The following USP35 variants were observed in gnomAD, a reference collection of about 807,000 sequenced individuals.
The protein encoded by USP35 is ubiquitin carboxyl-terminal hydrolase 35.
A neutral mutation model predicts 83.8 loss-of-function variants in USP35; 69 were observed. The observed-to-expected ratio is 0.82, with a 90% CI of 0.68 to 1.01. The LOEUF is 1.01. USP35 is among the 50% of genes least tolerant of loss of function. USP35 has a pLI of 0.00. For synonymous variants in USP35, 714 were observed against 589.5 expected (o/e 1.21, Z -3.06); for missense variants, 1,503 against 1,362.5 (o/e 1.10, Z -1.62).
the USP35 span, chr11:78,223,709 G>C: frequency 6.5e-7 from 1 of 1,535,496 alleles, no homozygotes; most frequent in South Asian, 1.3e-5. Flanking sequence ...AAATACAGCT[G>C]TTACTAGCAA....
At position 78,210,724 on chromosome 11, in the gene USP35, G is replaced by T. The variant is rs1229224211; in HGVS notation, c.2869G>T (p.Asp957Tyr). The T allele has an allele frequency of 6.4e-7, 1 of 1,565,698 alleles. No homozygotes were observed. ...HKDLMEAISK[D>Y]NILYLQEQEK... ...GGACTTGATGGAAGCCATTTCCAAA[G>T]ACAACATCCTTTACCTACAGGTGAG... Residue 957 changes from aspartate (D) to tyrosine (Y), a missense_variant, in exon 10 of 11, where the codon GAC becomes TAC. Transcript: ENST00000529308.
At chr11:78,207,394 G>A in intron 7 of USP35, 136 bp from the exon 8 acceptor site, 1 of 794,594 alleles carries the variant, frequency 1.3e-6, no homozygotes, top group Non-Finnish European at 2.1e-6. Context: ...CCAGCCCCTG[G>A]CTTCTGGCTC....
rs541211959 is a variant in USP35 at position 78,194,904 on chromosome 11, A to G, written c.-10-1332A>G. Among the ~76,000 whole-genome samples the G allele has an allele frequency of 2.0e-5, 3 of 152,288 alleles. No individual in the cohort carries two copies. The South Asian group carries it at 6.2e-4, about 32-fold the overall frequency. On this transcript the variant is annotated intron_variant, in intron 1 of 10. Transcript: ENST00000529308. ...GAAATCATGACAAGTGCTACCAAGG[A>G]GAAGGACAAGATGTTCTAATTTTTA...
intron 6 of USP35, among the ~76,000 whole-genome samples, chr11:78,203,293 A>G (rs745723945): frequency 1.1e-4 from 16 of 152,298 alleles, no homozygotes; most frequent in Non-Finnish European, 1.5e-4. Flanking sequence ...CTCTGGATGC[A>G]TCGGAGGGGA....
At chr11:78,199,177 T>G in intron 3 of USP35, 1 of 222,220 alleles carries the variant, frequency 4.5e-6, no homozygotes, top group South Asian at 7.8e-5. Context: ...GGAGGTATTA[T>G]CCCCATTTTA....
At chr11:78,219,172 AGAG>A (rs754092643), downstream of USP35, 129 of 1,115,556 alleles carry the variant, frequency 1.2e-4, 1 homozygote, top group Non-Finnish European at 1.6e-4. Context: ...GGCAGAGTAG[AGAG>A]GAGGTGGATG....
rs1392439672 is a variant in USP35 at position 78,207,527 on chromosome 11, A to T, written c.1392-3A>T. 4.3e-6 allele frequency: 7 copies of T among 1,613,694 alleles called. No individual in the cohort carries two copies. The African/African-American group carries it at 6.7e-5, about 15-fold the overall frequency. On this transcript the variant is annotated splice_region_variant and splice_polypyrimidine_tract_variant and intron_variant, in intron 7 of 10. Transcript: ENST00000529308. ...CCCTGGGTGCCCCTGCTTTGTTTTG[A>T]AGCTTCAGACATTGTGTGCTCCGCT...
At chr11:78,233,311 A>G in the USP35 span, among the ~76,000 whole-genome samples, 3 of 152,186 alleles carry the variant, frequency 2.0e-5, no homozygotes, top group African/African-American at 7.2e-5. Flanking sequence ...CTGGGATTAT[A>G]GGCATGAGCC....
downstream of USP35, chr11:78,218,981 G>A: frequency 2.7e-6 from 1 of 372,624 alleles, no homozygotes. Flanking sequence ...TAAAGGACAG[G>A]AAGAGGCTGA....
chr11:78,233,081 C>T, the USP35 span, among the ~76,000 whole-genome samples: 1 of 142,124 alleles, frequency 7.0e-6, no homozygotes, highest in African/African-American at 2.7e-5. Flanking sequence ...GCTCTATTGC[C>T]CAGGCTGGAA....
intron 10 of USP35, among the ~76,000 whole-genome samples, chr11:78,212,982 G>A (rs1402611907): frequency 1.3e-5 from 2 of 152,204 alleles, no homozygotes; most frequent in Non-Finnish European, 2.9e-5. Context: ...GGTGGCACTG[G>A]CATACTGAGC....
Position 78,214,887 on chromosome 11 carries a change from TAC to T in USP35, c.*1075_*1076del, listed in dbSNP as rs1475357351. On this transcript the variant is annotated 3_prime_UTR_variant, in exon 11 of 11. Transcript: ENST00000529308. ...AAGTAAACGTGTGGACTGACTGACTTACTTACCTTACTGAGGGCTGGGTGATG... is the reference window on the plus strand; with the variant it reads ...AAGTAAACGTGTGGACTGACTGACTTTTACCTTACTGAGGGCTGGGTGATG... 9.6e-5 allele frequency among the ~76,000 whole-genome samples: 8 copies of T among 83,276 alleles called. No individual in the cohort carries two copies. The highest frequency in any genetic ancestry group is 4.3e-4 in the African/African-American group (6 of 13,968). The allele number at this position is 83,276 out of a possible 152,430, so 54.6% of individuals were successfully genotyped here. A position where few individuals can be genotyped will look rare whatever the true frequency, so the allele number is the denominator to read the frequency against.
chr11:78,209,795 G>C lies in USP35; in HGVS notation c.1940G>C (p.Cys647Ser), dbSNP rs1863672267. ...RVGPRRQRKH[C>S]ITEDTPPTSL... ...GGTCCTCGGAGGCAAAGGAAACACT[G>C]CATCACAGAGGACACCCCCCCCACC... The change falls in exon 10 of 11, where the codon TGC (cysteine) becomes TCC (serine). Residue 647 changes from cysteine (C) to serine (S), a missense_variant. Physicochemically the swap from Cys to Ser is moderately radical, Grantham distance 112. Coordinates refer to ENST00000529308, the MANE Select transcript of USP35 (RefSeq NM_020798.4). 6.2e-7 allele frequency: 1 copy of C among 1,613,740 alleles called. No homozygotes were observed. The highest frequency in any genetic ancestry group is 8.5e-7 in the Non-Finnish European group (1 of 1,179,930).
chr11:78,188,959 A>C lies in USP35; in HGVS notation c.-209A>C, dbSNP rs796300581. The C allele has an allele frequency of 1.0e-6, 1 of 985,614 alleles. No homozygotes were observed. Among genetic ancestry groups the C allele is most frequent in the Non-Finnish European group, 1.2e-6 (1 of 830,086 alleles). The allele number at this position is 985,614 out of a possible 1,614,324, so 61.1% of individuals were successfully genotyped here. The stretch of plus-strand genomic sequence containing the variant: ...CCGCAGAGTCGGGCTTCCTGGATAC[A>C]TAGAGGCTTGTGCCAGGCGGGGTGG... On this transcript the variant is annotated 5_prime_UTR_variant, in exon 1 of 11. Coordinates refer to ENST00000529308, the MANE Select transcript of USP35 (RefSeq NM_020798.4).
At chr11:78,234,941 C>G in the USP35 span, among the ~76,000 whole-genome samples, 1 of 151,750 alleles carries the variant, frequency 6.6e-6, no homozygotes, top group Non-Finnish European at 1.5e-5. Flanking sequence ...ACCCAGGAGG[C>G]GAAGGTTGCA....
At chr11:78,203,952 G>A (rs1261351323) in intron 6 of USP35, among the ~76,000 whole-genome samples, 2 of 139,452 alleles carry the variant, frequency 1.4e-5, no homozygotes, top group Non-Finnish European at 3.0e-5. Flanking sequence ...GTGCAGTGGC[G>A]GGATCTCGGC....
chr11:78,208,644 C>G (rs911041987), intron 8 of USP35, among the ~76,000 whole-genome samples: 1 of 152,204 alleles, frequency 6.6e-6, no homozygotes, highest in Non-Finnish European at 1.5e-5. Flanking sequence ...GTTCATTTCT[C>G]TGAGCCCAAT....
the USP35 span, chr11:78,222,162 G>T: frequency 1.9e-6 from 3 of 1,613,886 alleles, no homozygotes; most frequent in African/African-American, 1.3e-5. Flanking sequence ...ATCGATGACG[G>T]TGTTGTTCCT....
chr11:78,209,621 G>T lies in USP35; in HGVS notation c.1766G>T (p.Arg589Leu). 1 of 1,614,064 alleles carries T rather than the reference G, an allele frequency of 6.2e-7. No homozygotes were observed. Among genetic ancestry groups the T allele is most frequent in the Non-Finnish European group, 8.5e-7 (1 of 1,179,978 alleles). The change falls in exon 10 of 11, where the codon CGG becomes CTG. Residue 589 changes from arginine to leucine, a missense_variant. Arg to Leu is a moderately radical substitution (Grantham distance 102). Transcript: ENST00000529308. ...CCLCCLNVSSREEAFTDLSLA... is the reference protein window; with the variant it reads ...CCLCCLNVSSLEEAFTDLSLA... ...CTCTGCTGCCTCAACGTCTCCTCCC[G>T]GGAGGAGGCCTTCACGGACCTCTCT...
Sources: allele counts gnomAD v4.1 joint callset (sites outside exome capture counted in the v4.1 genomes callset), GRCh38; gene constraint gnomAD v4.1.1; transcripts MANE v1.5; gene names NCBI Gene and HGNC (gene_info 2026-07-23, HGNC 2026-07-21).